Variants in EVPL observed in about 807,000 individuals in gnomAD.
EVPL encodes the protein envoplakin.
Under a neutral mutation model 129.7 loss-of-function variants are expected in EVPL, and 94 were observed. The observed-to-expected ratio is 0.72, with a 90% CI of 0.61 to 0.86. The LOEUF is 0.86. EVPL is among the 40% of genes least tolerant of loss of function. The pLI, the probability that EVPL is intolerant of heterozygous loss-of-function variation, is 0.00. For synonymous variants in EVPL, 1,172 were observed against 1,191.1 expected (o/e 0.98, Z 0.33); for missense variants, 2,625 against 2,721.1 (o/e 0.96, Z 0.79).
chr17:76,017,611 G>C (rs1460990217), intron 14 of EVPL, 128 bp downstream of exon 14: 1 of 1,320,626 alleles, frequency 7.6e-7, no homozygotes, highest in Admixed American at 2.6e-5. Context: ...TCTGAGCCCG[G>C]GTCTGTCCAC....
chr17:76,008,722 G>T lies in EVPL; in HGVS notation c.4483C>A (p.Leu1495Met), dbSNP rs748770869. Residue 1495 changes from leucine to methionine, a missense_variant, in exon 22 of 22, where the codon CTG (leucine) becomes ATG (methionine). By Grantham distance (15) the Leu-to-Met change is conservative. Coordinates refer to ENST00000301607, the MANE Select transcript of EVPL (RefSeq NM_001988.4). The surrounding 1 kb of genome is among the most constrained non-coding windows in gnomAD (Gnocchi z 7.4). The stretch of plus-strand genomic sequence containing the variant: ...TGCAGGTTCTTGCACTCCCGATTCA[G>T]CTCGGTTACCTGGGTCTTCTCCTGG... ...LDQEKTQVTE[L>M]NRECKNLQVQ... The T allele has an allele frequency of 2.7e-5, 44 of 1,613,734 alleles. No homozygotes were observed. Among genetic ancestry groups the T allele is most frequent in the Non-Finnish European group, 3.5e-5 (41 of 1,180,034 alleles).
In EVPL at chr17:76,007,628, C is replaced by T. The variant is rs2066330158; in HGVS notation, c.5577G>A (p.Leu1859=). Residue 1859 remains leucine, a synonymous_variant, in exon 22 of 22, where the codon CTG becomes CTA. Transcript: ENST00000301607. The surrounding 1 kb of genome is among the most constrained non-coding windows in gnomAD (Gnocchi z 8.8). ...TGCCCCCTGTGGCCGCCTGGGCCTC[C>T]AGTAGCTTCTGCCCAGTGATGGGGT... The part of the protein sequence containing the change: ...MLDPITGQKL[L]EAQAATGGIV... 1 of 1,613,930 alleles carries T rather than the reference C, an allele frequency of 6.2e-7. No individual in the cohort carries two copies. The highest frequency in any genetic ancestry group is 2.2e-5 in the East Asian group (1 of 44,884).
Position 76,024,040 on chromosome 17 carries a change from G to C in EVPL, c.179C>G (p.Thr60Arg). Reference sequence around the variant, plus strand: ...CCTCACCTGCTGCAGCCTCTTCTGCGTCTCCAGGATGTCCCGCTCCACCTG... The same window carrying C: ...CCTCACCTGCTGCAGCCTCTTCTGCCTCTCCAGGATGTCCCGCTCCACCTG... The part of the protein sequence containing the change: ...ADQVERDILE[T>R]QKRLQQDRLN... Residue 60 changes from threonine to arginine, a missense_variant, in exon 2 of 22, where the codon ACG becomes AGG. By Grantham distance (71) the Thr-to-Arg change is moderately conservative (BLOSUM62 -1). This residue lies in a region of EVPL where 139 missense variants were observed against 186.8 expected (regional missense o/e 0.74). Coordinates refer to ENST00000301607, the MANE Select transcript of EVPL (RefSeq NM_001988.4). This position sits in a 1 kb window ranked among gnomAD's most constrained non-coding sequence, Gnocchi z 4.5. 1 of 1,613,646 alleles carries C rather than the reference G, an allele frequency of 6.2e-7. No homozygotes were observed. Among genetic ancestry groups the C allele is most frequent in the Non-Finnish European group, 8.5e-7 (1 of 1,179,908 alleles).
chr17:76,014,500 C>G lies in EVPL; in HGVS notation c.2299G>C (p.Glu767Gln). 4 of 1,611,870 alleles carry G rather than the reference C, an allele frequency of 2.5e-6. No homozygotes were observed. Among genetic ancestry groups the G allele is most frequent in the Non-Finnish European group, 3.4e-6 (4 of 1,179,480 alleles). ...CGCACCTGGCTGCGGGGCAGGTGCT[C>G]CAGCCAGGAGCTCAGGTTATCCTTG... is the stretch of plus-strand genomic sequence containing the variant. ...NCKDNLSSWLEHLPRSQVRPS... is the reference protein window; with the variant it reads ...NCKDNLSSWLQHLPRSQVRPS... Residue 767 changes from glutamate to glutamine, a missense_variant, in exon 18 of 22, where the codon GAG becomes CAG. By Grantham distance (29) the Glu-to-Gln change is conservative (BLOSUM62 2). Transcript: ENST00000301607.
At chr17:76,025,349 T>C (rs2066491258) in intron 1 of EVPL, among the ~76,000 whole-genome samples, 1 of 152,150 alleles carries the variant, frequency 6.6e-6, no homozygotes, top group African/African-American at 2.4e-5. Context: ...ACATCTCCAG[T>C]GCCTAGAACA....
Position 76,022,176 on chromosome 17 carries a change from C to G in EVPL, c.645+13G>C, listed in dbSNP as rs753246360. ...ACCCGCAGCCTCCCTGCCCGACCCT[C>G]CCTCCTGCTCACCAGTAGGTCTCGG... On this transcript the variant is annotated intron_variant, in intron 6 of 21. Transcript: ENST00000301607. This position sits in a 1 kb window ranked among gnomAD's most constrained non-coding sequence, Gnocchi z 5.6. The G allele has an allele frequency of 4.3e-6, 7 of 1,612,292 alleles. No individual in the cohort carries two copies. In the Admixed American group the frequency reaches 5.0e-5, roughly 12 times the overall value.
Position 76,008,965 on chromosome 17 carries a change from C to A in EVPL, c.4240G>T (p.Ala1414Ser). Residue 1414 changes from alanine to serine, a missense_variant, in exon 22 of 22, where the codon GCC becomes TCC. By Grantham distance (99) the Ala-to-Ser change is moderately conservative. Around this residue, in one of 4 missense-constraint regions of EVPL, gnomAD observed 1,453 missense variants for 1,511.8 expected, o/e 0.96. Transcript: ENST00000301607. The surrounding 1 kb of genome is among the most constrained non-coding windows in gnomAD (Gnocchi z 7.4). ...QLELEVQQLR[A>S]GVEEQEGLLS... Reference sequence around the variant, plus strand: ...AGGCCCTCCTGCTCCTCCACGCCGGCCCGCAGCTGCTGCACCTCAAGCTCT... The same window carrying A: ...AGGCCCTCCTGCTCCTCCACGCCGGACCGCAGCTGCTGCACCTCAAGCTCT... 8 of 1,611,662 alleles carry A rather than the reference C, an allele frequency of 5.0e-6. No individual in the cohort carries two copies. The highest frequency in any genetic ancestry group is 6.8e-6 in the Non-Finnish European group (8 of 1,179,942).
At chr17:76,019,736 C>T in intron 9 of EVPL, 83 bp from the exon 10 acceptor site, 1 of 1,510,846 alleles carries the variant, frequency 6.6e-7, no homozygotes, top group African/African-American at 1.4e-5. Context: ...CCTAAGCCAG[C>T]TAAACACAAA....
intron 7 of EVPL, 25 bp from the exon 8 acceptor site, chr17:76,021,806 G>A (rs754005322): frequency 3.2e-6 from 5 of 1,576,048 alleles, no homozygotes; most frequent in Non-Finnish European, 4.3e-6. Flanking sequence ...GGTGGGGAGC[G>A]GCGGTGAGGA....
At chr17:76,014,369 G>A in intron 18 of EVPL, 57 bp downstream of exon 18, 1 of 1,564,832 alleles carries the variant, frequency 6.4e-7, no homozygotes, top group East Asian at 2.3e-5. Flanking sequence ...GCGCTTCTGA[G>A]CTTTGGCCAC....
At chr17:76,016,014 C>T (rs1250674706) in intron 14 of EVPL, among the ~76,000 whole-genome samples, 2 of 152,146 alleles carry the variant, frequency 1.3e-5, no homozygotes, top group Non-Finnish European at 2.9e-5. Context: ...CGTAGCAGCG[C>T]GCACCTGCAA....
At position 76,011,626 on chromosome 17, in the gene EVPL, G is replaced by A; in HGVS notation, c.2611C>T (p.Gln871Ter). Reference sequence around the variant, plus strand: ...TCCAGCTGCTGGAGCAGCTGCTGCTGTGCTGCTGCAACCTCAGTATAGGCC... The same window carrying A: ...TCCAGCTGCTGGAGCAGCTGCTGCTATGCTGCTGCAACCTCAGTATAGGCC... ...AKAYTEVAAA[Q>*]QQLLQQLEFA... Residue 871 changes from glutamine to a stop codon, truncating the protein, a stop_gained, in exon 21 of 22, where the codon CAG (glutamine) becomes TAG (stop). Coordinates refer to ENST00000301607, the MANE Select transcript of EVPL (RefSeq NM_001988.4). LOFTEE classifies it low-confidence loss of function (END_TRUNC). The A allele has an allele frequency of 8.7e-6, 14 of 1,614,224 alleles. No individual in the cohort carries two copies. The highest frequency in any genetic ancestry group is 1.1e-5 in the Non-Finnish European group (13 of 1,180,036).
At chr17:76,018,418 GCC>G (rs778222039) in intron 12 of EVPL, 26 bp downstream of exon 12, 1 of 1,598,972 alleles carries the variant, frequency 6.3e-7, no homozygotes, top group African/African-American at 1.3e-5. Context: ...CCCACAGCCT[GCC>G]CCTGAGTATC....
At position 76,008,594 on chromosome 17, in the gene EVPL, G is replaced by A; in HGVS notation, c.4611C>T (p.Ala1537=). The A allele has an allele frequency of 6.2e-7, 1 of 1,611,558 alleles. No individual in the cohort carries two copies. The highest frequency in any genetic ancestry group is 8.5e-7 in the Non-Finnish European group (1 of 1,180,016). ...QKDRVLEDER[A]RVWEMLNRER... ...CCCTGTTGAGCATCTCCCACACGCGGGCCCGCTCATCTTCCAGGACGCGGT... is the reference window on the plus strand; with the variant it reads ...CCCTGTTGAGCATCTCCCACACGCGAGCCCGCTCATCTTCCAGGACGCGGT... The change falls in exon 22 of 22, where the codon GCC becomes GCT. Residue 1537 remains alanine, a synonymous_variant. Coordinates refer to ENST00000301607, the MANE Select transcript of EVPL (RefSeq NM_001988.4). This position sits in a 1 kb window ranked among gnomAD's most constrained non-coding sequence, Gnocchi z 7.4.
rs1322708102 is a variant in EVPL, at chr17:76,015,085, G to C, written c.2053C>G (p.Gln685Glu). Residue 685 changes from glutamine (Q) to glutamate (E), a missense_variant, in exon 17 of 22, where the codon CAG becomes GAG. By Grantham distance (29) the Gln-to-Glu change is conservative. Around this residue, in one of 4 missense-constraint regions of EVPL, gnomAD observed 1,024 missense variants for 997.5 expected, o/e 1.03. Coordinates refer to ENST00000301607, the MANE Select transcript of EVPL (RefSeq NM_001988.4). ...LQRQRRELLE[Q>E]QTCVLRLHRA... ...TGTAGCCGCAGCACGCAGGTCTGCT[G>C]TTCCAGCAGCTCCCTCCGCTGGCGC... 6.3e-7 allele frequency: 1 copy of C among 1,577,124 alleles called. No individual in the cohort carries two copies. The highest frequency in any genetic ancestry group is 8.6e-7 in the Non-Finnish European group (1 of 1,162,500).
chr17:76,009,272 C>G lies in EVPL; in HGVS notation c.3933G>C (p.Lys1311Asn), dbSNP rs755221471. 3 of 1,608,014 alleles carry G rather than the reference C, an allele frequency of 1.9e-6. No individual in the cohort carries two copies. The highest frequency in any genetic ancestry group is 3.3e-5 in the Admixed American group (2 of 60,026). ...WRRERAKVET[K>N]TVSKEVVRHE... ...GGCGCACCACCTCCTTGCTCACCGT[C>G]TTGGTCTCCACCTTGGCCCGCTCGC... Residue 1311 changes from lysine (K) to asparagine (N), a missense_variant, in exon 22 of 22, where the codon AAG (lysine) becomes AAC (asparagine). Lys to Asn is a moderately conservative substitution (Grantham distance 94). This residue lies in a region of EVPL where 1,453 missense variants were observed against 1,511.8 expected (regional missense o/e 0.96). Transcript: ENST00000301607. This position sits in a 1 kb window ranked among gnomAD's most constrained non-coding sequence, Gnocchi z 5.9.
At chr17:76,014,351 C>T in intron 18 of EVPL, 75 bp downstream of exon 18, 2 of 1,522,378 alleles carry the variant, frequency 1.3e-6, no homozygotes, top group Non-Finnish European at 1.8e-6. Flanking sequence ...GCTTTGAAGC[C>T]CCTTAGAGCG....
chr17:76,014,821 G>A (rs2066404978), intron 17 of EVPL, 95 bp downstream of exon 17: 2 of 1,313,438 alleles, frequency 1.5e-6, no homozygotes, highest in South Asian at 1.4e-5. Flanking sequence ...CTTCAGAGAC[G>A]TGAAGTCACT....
intron 18 of EVPL, 117 bp downstream of exon 18, chr17:76,014,309 C>T: frequency 1.4e-6 from 2 of 1,385,774 alleles, no homozygotes; most frequent in East Asian, 2.5e-5. Context: ...AGCTGGAGGC[C>T]AGGGAAGGGG....
Sources: allele counts gnomAD v4.1 joint callset (sites outside exome capture counted in the v4.1 genomes callset), GRCh38; gene constraint gnomAD v4.1.1; regional missense constraint gnomAD v4.1.1; non-coding constraint Gnocchi (gnomAD v3.1); transcripts MANE v1.5; gene names NCBI Gene and HGNC (gene_info 2026-07-23, HGNC 2026-07-21).